The following CFAP20DC variants were observed in gnomAD, a reference collection of about 807,000 sequenced individuals.
The protein encoded by CFAP20DC is CFAP20 domain containing.
CFAP20DC carries 84 observed loss-of-function variants against 101.7 expected under a neutral mutation model. That is an observed-to-expected ratio of 0.83 (90% confidence interval 0.69 to 0.99). CFAP20DC has a LOEUF of 0.99. Among genes scored for constraint, CFAP20DC ranks in the 50% least tolerant of loss-of-function variants. CFAP20DC has a pLI of 0.00. For missense variants in CFAP20DC, 1,007 were observed against 970.3 expected, an observed-to-expected ratio of 1.04 and a Z score of -0.50; for synonymous variants, 359 against 351.2, an observed-to-expected ratio of 1.02 and a Z score of -0.25.
intron 14 of CFAP20DC, among the ~76,000 whole-genome samples, chr3:58,821,229 C>CT (rs2075618071): frequency 6.6e-6 from 1 of 152,102 alleles, no homozygotes; most frequent in African/African-American, 2.4e-5. Context: ...AGGACATAGG[C>CT]ATGGGCAAGG....
chr3:58,973,205 T>G (rs992547957), intron 4 of CFAP20DC, among the ~76,000 whole-genome samples: 1 of 152,206 alleles, frequency 6.6e-6, no homozygotes, highest in Non-Finnish European at 1.5e-5. Flanking sequence ...AACTCCAAAC[T>G]GTTTAATTGA....
chr3:59,031,054 C>T (rs190223112), intron 4 of CFAP20DC, among the ~76,000 whole-genome samples: 1 of 152,250 alleles, frequency 6.6e-6, no homozygotes, highest in Admixed American at 6.5e-5. Context: ...GATCTCCTGA[C>T]CTCGTGATCC....
chr3:59,032,920 G>A (rs1011264898), intron 4 of CFAP20DC, among the ~76,000 whole-genome samples: 2 of 152,122 alleles, frequency 1.3e-5, no homozygotes, highest in African/African-American at 2.4e-5. Flanking sequence ...CCTCCCAGCA[G>A]TGGTCAACAG....
Position 58,775,745 on chromosome 3 carries a change from CT to C in CFAP20DC, c.2238-21883del, listed in dbSNP as rs745494338. The stretch of plus-strand genomic sequence containing the variant: ...CATACTTTTCCTCTCCCTTTTCTGT[CT>C]TTTTTTTTTTTTTTTTGAGATGGAG... On this transcript the variant is annotated intron_variant, in intron 15 of 16. Coordinates refer to ENST00000482387, the MANE Select transcript of CFAP20DC (RefSeq NM_001394063.1). Among the ~76,000 whole-genome samples the C allele has an allele frequency of 4.0e-3, 535 of 133,666 alleles. 2 individuals carry two copies. Among genetic ancestry groups the C allele is most frequent in the African/African-American group, 9.4e-3 (340 of 36,194 alleles). The allele number at this position is 133,666 out of a possible 152,430, so 87.7% of individuals were successfully genotyped here. A position where few individuals can be genotyped will look rare whatever the true frequency, so the allele number is the denominator to read the frequency against.
intron 14 of CFAP20DC, among the ~76,000 whole-genome samples, chr3:58,813,090 T>C (rs192727868): frequency 3.9e-5 from 6 of 151,960 alleles, no homozygotes; most frequent in Admixed American, 3.3e-4. Context: ...CACATGTAAA[T>C]CTTAGGTCAA....
At chr3:58,966,785 A>G (rs2091577528) in intron 4 of CFAP20DC, among the ~76,000 whole-genome samples, 1 of 152,100 alleles carries the variant, frequency 6.6e-6, no homozygotes, top group Non-Finnish European at 1.5e-5. Flanking sequence ...TCAGCCTCCC[A>G]GGATGCTGCG....
chr3:59,027,944 G>C (rs2093922101), intron 4 of CFAP20DC, among the ~76,000 whole-genome samples: 1 of 152,156 alleles, frequency 6.6e-6, no homozygotes, highest in Admixed American at 6.5e-5. Context: ...AAATATTTTG[G>C]AAAAGAAAAC....
chr3:59,022,425 A>C (rs1313017597), intron 4 of CFAP20DC, among the ~76,000 whole-genome samples: 1 of 152,118 alleles, frequency 6.6e-6, no homozygotes, highest in Non-Finnish European at 1.5e-5. Flanking sequence ...GCTTTTTAAA[A>C]GTTTATGCTA....
At chr3:58,830,310 A>G (rs558718978) in intron 14 of CFAP20DC, among the ~76,000 whole-genome samples, 19 of 152,320 alleles carry the variant, frequency 1.2e-4, no homozygotes, top group Non-Finnish European at 2.4e-4. Context: ...TATCCACTGG[A>G]TAACACTCAT....
At chr3:58,808,773 T>C (rs945689368) in intron 14 of CFAP20DC, among the ~76,000 whole-genome samples, 40 of 152,192 alleles carry the variant, frequency 2.6e-4, no homozygotes, top group African/African-American at 8.4e-4. Flanking sequence ...GACTGGCAAA[T>C]TGGATAAAGA....
chr3:58,723,811 A>C (rs753526893), intron 3 of CFAP20DC, among the ~76,000 whole-genome samples: 3 of 152,234 alleles, frequency 2.0e-5, no homozygotes, highest in Non-Finnish European at 4.4e-5. Context: ...TGGCATATTC[A>C]ATGACCACTG....
chr3:58,820,890 A>C (rs1192601010), intron 14 of CFAP20DC, among the ~76,000 whole-genome samples: 1 of 150,208 alleles, frequency 6.7e-6, no homozygotes, highest in Non-Finnish European at 1.5e-5. Context: ...CTGACTTCAA[A>C]CTATACTACA....
chr3:58,848,407 C>T (rs938853267), intron 13 of CFAP20DC, among the ~76,000 whole-genome samples: 19 of 152,074 alleles, frequency 1.2e-4, no homozygotes, highest in African/African-American at 4.6e-4. Flanking sequence ...ATGGAATGTA[C>T]ATGTCATTTG....
At chr3:58,835,494 T>G (rs960730194) in intron 13 of CFAP20DC, among the ~76,000 whole-genome samples, 1 of 152,208 alleles carries the variant, frequency 6.6e-6, no homozygotes, top group South Asian at 2.1e-4. Flanking sequence ...AGAAATAGAT[T>G]GATTCGTTAA....
At chr3:58,936,475 G>A (rs929987487) in intron 5 of CFAP20DC, among the ~76,000 whole-genome samples, 141 of 152,248 alleles carry the variant, frequency 9.3e-4, no homozygotes, top group Non-Finnish European at 1.7e-3. Context: ...ACATGCACAC[G>A]TATGTTTATT....
intron 4 of CFAP20DC, among the ~76,000 whole-genome samples, chr3:58,998,509 C>A (rs956146661): frequency 6.6e-6 from 1 of 152,158 alleles, no homozygotes; most frequent in Admixed American, 6.5e-5. Context: ...TGCCAGGAAC[C>A]CTTTTAAGCT....
chr3:58,727,467 C>G (rs534956177), intron 3 of CFAP20DC: 1 of 152,202 alleles, frequency 6.6e-6, no homozygotes, highest in Non-Finnish European at 1.5e-5. Context: ...GACGGAGTTT[C>G]GCTGTGTTGC....
chr3:58,989,525 A>C (rs1180772723), intron 4 of CFAP20DC, among the ~76,000 whole-genome samples: 3 of 152,230 alleles, frequency 2.0e-5, no homozygotes, highest in African/African-American at 7.2e-5. Flanking sequence ...TCATTAATAA[A>C]CTTTTTTAGA....
In CFAP20DC at chr3:59,015,778, T is replaced by C. The variant is rs1450303148; in HGVS notation, c.278+23779A>G. On this transcript the variant is annotated intron_variant, in intron 4 of 16. Coordinates refer to ENST00000482387, the MANE Select transcript of CFAP20DC (RefSeq NM_001394063.1). This position sits in a 1 kb window ranked among gnomAD's most constrained non-coding sequence, Gnocchi z 5.4. ...TTTCTAAAAAATGCCAGACACATGG[T>C]GGTCTGTTCCCAAGGCTAAACAAAA... Among the ~76,000 whole-genome samples the C allele has an allele frequency of 1.3e-5, 2 of 152,104 alleles. No individual in the cohort carries two copies. The highest frequency in any genetic ancestry group is 2.9e-5 in the Non-Finnish European group (2 of 68,002).
Sources: allele counts gnomAD v4.1 joint callset (sites outside exome capture counted in the v4.1 genomes callset), GRCh38; gene constraint gnomAD v4.1.1; non-coding constraint Gnocchi (gnomAD v3.1); transcripts MANE v1.5; gene names NCBI Gene and HGNC (gene_info 2026-07-23, HGNC 2026-07-21).